SLC4A1AP: variants seen among roughly 807,000 people sequenced by gnomAD.
SLC4A1AP encodes the protein kanadaptin.
Under a neutral mutation model 89.7 loss-of-function variants are expected in SLC4A1AP, and 64 were observed. The ratio of observed to expected loss-of-function variants is 0.71; its 90% CI spans 0.58 to 0.88. The LOEUF (loss-of-function observed/expected upper bound fraction) is 0.88, where lower values mean the gene tolerates loss of function less well. Among genes scored for constraint, SLC4A1AP ranks in the 40% least tolerant of loss-of-function variants. The pLI, the probability that SLC4A1AP is intolerant of heterozygous loss-of-function variation, is 0.00. For synonymous variants in SLC4A1AP, 366 were observed against 353.3 expected, an observed-to-expected ratio of 1.04 and a Z score of -0.40; for missense variants, 931 against 965.0, an observed-to-expected ratio of 0.96 and a Z score of 0.47.
intron 3 of SLC4A1AP, among the ~76,000 whole-genome samples, chr2:27,668,371 C>T (rs144823471): frequency 0.026 from 3,915 of 152,174 alleles, 156 homozygotes; most frequent in African/African-American, 0.09. Flanking sequence ...AGAATGGTCT[C>T]GATCTCCTGA....
chr2:27,690,257 G>C (rs924376051), intron 12 of SLC4A1AP, among the ~76,000 whole-genome samples: 1 of 152,240 alleles, frequency 6.6e-6, no homozygotes, highest in African/African-American at 2.4e-5. Flanking sequence ...TGTCACCCAA[G>C]TAGTGTACAT....
intron 7 of SLC4A1AP, 115 bp downstream of exon 7, chr2:27,677,479 G>A (rs547426765): frequency 1.3e-6 from 1 of 746,678 alleles, no homozygotes; most frequent in Non-Finnish European, 2.2e-6. Context: ...TTTTAAAGGA[G>A]CAACATACCG....
At chr2:27,694,530 C>A in intron 13 of SLC4A1AP, 104 bp from the exon 14 acceptor site, 1 of 754,710 alleles carries the variant, frequency 1.3e-6, no homozygotes. Flanking sequence ...TAGAATAAAC[C>A]TTTTTGTCTA....
At chr2:27,665,996 C>T (rs1185246743) in intron 2 of SLC4A1AP, among the ~76,000 whole-genome samples, 2 of 152,196 alleles carry the variant, frequency 1.3e-5, no homozygotes, top group Non-Finnish European at 2.9e-5. Context: ...ATGGTAGCCA[C>T]TAGCCACATG....
At chr2:27,665,898 A>G (rs1401940941) in intron 2 of SLC4A1AP, among the ~76,000 whole-genome samples, 1 of 152,210 alleles carries the variant, frequency 6.6e-6, no homozygotes, top group African/African-American at 2.4e-5. Context: ...CTAAGTGCCA[A>G]ACAAAAGCTA....
At chr2:27,687,154 A>G (rs1419228391) in intron 10 of SLC4A1AP, among the ~76,000 whole-genome samples, 1 of 151,906 alleles carries the variant, frequency 6.6e-6, no homozygotes, top group African/African-American at 2.4e-5. Context: ...GCCTTAGACT[A>G]TTCTTTTTAA....
chr2:27,665,522 C>G (rs377228657), intron 2 of SLC4A1AP, among the ~76,000 whole-genome samples: 1 of 152,138 alleles, frequency 6.6e-6, no homozygotes, highest in East Asian at 1.9e-4. Flanking sequence ...ATTTTTAATG[C>G]ACTCTCTTGT....
intron 5 of SLC4A1AP, 75 bp from the exon 6 acceptor site, chr2:27,675,454 GCTC>G: frequency 1.0e-6 from 1 of 981,684 alleles, no homozygotes; most frequent in East Asian, 2.7e-5. Context: ...GACATTTTAA[GCTC>G]CTTGCCTACT....
exon 1 of SLC4A1AP, chr2:27,663,935 G>A: frequency 6.2e-7 from 1 of 1,614,176 alleles, no homozygotes; most frequent in South Asian, 1.1e-5. Context: ...TTCTCTCTCA[G>A]TCAGAGACCC....
chr2:27,664,403 G>GTGC, exon 1 of SLC4A1AP: 1 of 1,614,228 alleles, frequency 6.2e-7, no homozygotes, highest in Admixed American at 1.7e-5. Context: ...AGCACAGGGC[G>GTGC]TCCGGCCCTG....
intron 5 of SLC4A1AP, among the ~76,000 whole-genome samples, chr2:27,672,482 G>T (rs1312539241): frequency 3.3e-5 from 5 of 151,972 alleles, no homozygotes; most frequent in African/African-American, 4.8e-5. Context: ...ATTTCTAAAA[G>T]TTCATTTTTG....
chr2:27,664,173 G>T (rs771452652), exon 1 of SLC4A1AP: 1 of 1,614,062 alleles, frequency 6.2e-7, no homozygotes, highest in Non-Finnish European at 8.5e-7. Context: ...CCCCCCGACA[G>T]CGGTTTCTTC....
rs1553363258 is a variant in SLC4A1AP at position 27,666,359 on chromosome 2, AC to A, written c.1022-897del. 3.9e-3 allele frequency among the ~76,000 whole-genome samples: 13 copies of A among 3,366 alleles called. 2 individuals carry two copies. Among genetic ancestry groups the A allele is most frequent in the Middle Eastern group, 0.17 (1 of 6 alleles). 2.2% of individuals were successfully genotyped at this position (3,366 alleles called of 152,430 possible). ...CTCCTGACCTTGTGATCCACCCCCC[AC>A]CCCCCCCCCCCACCCCGCCCCCCGG... On this transcript the variant is annotated intron_variant, in intron 2 of 13. Transcript: ENST00000613058.
At chr2:27,666,187 TA>T (rs1401384875) in intron 2 of SLC4A1AP, among the ~76,000 whole-genome samples, 3 of 152,258 alleles carry the variant, frequency 2.0e-5, no homozygotes, top group Non-Finnish European at 4.4e-5. Context: ...TTTAATTTTT[TA>T]ATGTGGCTAA....
chr2:27,688,428 G>C (rs1214186749), intron 11 of SLC4A1AP, among the ~76,000 whole-genome samples: 1 of 152,182 alleles, frequency 6.6e-6, no homozygotes, highest in Admixed American at 6.5e-5. Flanking sequence ...CTGTGGACTA[G>C]TAAAATCAGC....
Position 27,669,956 on chromosome 2 carries a change from C to T in SLC4A1AP, c.1345+569C>T, listed in dbSNP as rs181651630. ...TCACCTCACTGCAACCTCTGCCTCC[C>T]GGGTTCAAGCGATTCTCCTGCCTCA... On this transcript the variant is annotated intron_variant, in intron 5 of 13. Transcript: ENST00000613058. Among the ~76,000 whole-genome samples, 213 of 152,286 alleles carry T rather than the reference C, an allele frequency of 1.4e-3. 3 individuals are homozygous for T. The highest frequency in any genetic ancestry group is 2.5e-3 in the Non-Finnish European group (171 of 68,024).
At chr2:27,668,845 G>A in exon 4 of SLC4A1AP, 1 of 1,613,930 alleles carries the variant, frequency 6.2e-7, no homozygotes, top group Non-Finnish European at 8.5e-7. Context: ...TCCCACAGGA[G>A]AAGAATTAGA....
chr2:27,682,393 C>T lies in SLC4A1AP; in HGVS notation c.1875+34C>T, dbSNP rs750098738. ...TGAGTCAGGGTGTTAAACTTTTAGC[C>T]CTTGAGTTATCCCTGAGCTAATTTT... On this transcript the variant is annotated intron_variant, in intron 9 of 13. Coordinates refer to ENST00000613058, the Ensembl canonical transcript of SLC4A1AP. 6.8e-6 allele frequency: 9 copies of T among 1,331,412 alleles called. No individual in the cohort carries two copies. The South Asian group carries it at 8.5e-5, about 13-fold the overall frequency. The allele number at this position is 1,331,412 out of a possible 1,614,324, so 82.5% of individuals were successfully genotyped here.
intron 1 of SLC4A1AP, among the ~76,000 whole-genome samples, 185 bp from the exon 2 acceptor site, chr2:27,664,915 A>G (rs1204769818): frequency 6.6e-6 from 1 of 151,906 alleles, no homozygotes; most frequent in Non-Finnish European, 1.5e-5. Flanking sequence ...AAAAAAAAAA[A>G]AAAAATTAGC....
Sources: allele counts gnomAD v4.1 joint callset (sites outside exome capture counted in the v4.1 genomes callset), GRCh38; gene constraint gnomAD v4.1.1; transcripts MANE v1.5; gene names NCBI Gene and HGNC (gene_info 2026-07-23, HGNC 2026-07-21).